Variants in RRN3 observed in about 807,000 individuals in gnomAD.
RRN3 encodes RNA polymerase I transcription factor RRN3.
RRN3 carries 38 observed loss-of-function variants against 82.3 expected under a neutral mutation model. The observed-to-expected ratio is 0.46, with a 90% confidence interval of 0.36 to 0.61. The LOEUF is 0.61. Ranked by LOEUF, RRN3 falls within the 20% of genes least tolerant of loss-of-function variation. The pLI, the probability that RRN3 is intolerant of heterozygous loss-of-function variation, is 0.00. For synonymous variants in RRN3, 284 were observed against 284.3 expected, an observed-to-expected ratio of 1.00 and a Z score of 0.01; for missense variants, 726 against 793.1, an observed-to-expected ratio of 0.92 and a Z score of 1.02.
In RRN3 at chr16:15,079,830, C is replaced by T. The variant is rs1399123622; in HGVS notation, c.765+168G>A. Among the ~76,000 whole-genome samples the T allele has an allele frequency of 2.0e-5, 3 of 152,166 alleles. No individual in the cohort carries two copies. In the East Asian group the frequency reaches 5.8e-4, roughly 29 times the overall value. ...CAGGCTGGTCTCGAACTCCTGACCTCAGGTGATCTGCCTGCCTCGGCCTCC... is the reference window on the plus strand; with the variant it reads ...CAGGCTGGTCTCGAACTCCTGACCTTAGGTGATCTGCCTGCCTCGGCCTCC... On this transcript the variant is annotated intron_variant, in intron 9 of 17. Transcript: ENST00000198767.
At position 15,073,008 on chromosome 16, in the gene RRN3, G is replaced by A. The variant is rs2151781614; in HGVS notation, c.1070C>T (p.Pro357Leu). ...LINIFDKLLL[P>L]THASCHVQFF... The stretch of plus-strand genomic sequence containing the variant: ...CTGTACATGGCAGGAGGCATGGGTG[G>A]GCAACAGGAGTTTGTCAAAGATGTT... The change falls in exon 12 of 18, where the codon CCC becomes CTC. Residue 357 changes from proline (P) to leucine (L), a missense_variant. By Grantham distance (98) the Pro-to-Leu change is moderately conservative. Around this residue, in one of 4 missense-constraint regions of RRN3, gnomAD observed 344 missense variants for 394.5 expected, o/e 0.87. Coordinates refer to ENST00000198767, the MANE Select transcript of RRN3 (RefSeq NM_018427.5). 1.2e-6 allele frequency: 2 copies of A among 1,613,362 alleles called. No homozygotes were observed. The highest frequency in any genetic ancestry group is 1.7e-6 in the Non-Finnish European group (2 of 1,179,814).
At chr16:15,093,662 C>T (rs963080242) in intron 1 of RRN3, among the ~76,000 whole-genome samples, 1 of 152,166 alleles carries the variant, frequency 6.6e-6, no homozygotes, top group African/African-American at 2.4e-5. Context: ...GAAAGTTAAA[C>T]GCCAAGAGTG....
At position 15,070,117 on chromosome 16, in the gene RRN3, G is replaced by C; in HGVS notation, c.1397C>G (p.Thr466Ser). The part of the protein sequence containing the change: ...FYSACQAVFY[T>S]FVFRHKQLLS... ...AAGCTGCTTGTGTCTAAAAACAAAG[G>C]TGTAGAACACAGCTTGGCAGGCTGA... is the stretch of plus-strand genomic sequence containing the variant. Residue 466 changes from threonine to serine, a missense_variant, in exon 14 of 18, where the codon ACC (threonine) becomes AGC (serine). By Grantham distance (58) the Thr-to-Ser change is moderately conservative. Transcript: ENST00000198767. 1.2e-6 allele frequency: 2 copies of C among 1,602,852 alleles called. No homozygotes were observed. Among genetic ancestry groups the C allele is most frequent in the Non-Finnish European group, 1.7e-6 (2 of 1,173,784 alleles).
At chr16:15,085,577 C>A in intron 6 of RRN3, 62 bp downstream of exon 6, 2 of 1,588,558 alleles carry the variant, frequency 1.3e-6, no homozygotes, top group South Asian at 1.1e-5. Flanking sequence ...CTTGGCTTCC[C>A]AAAGTGCTGG....
Position 15,061,484 on chromosome 16 carries a change from A to G in RRN3, c.*260T>C, listed in dbSNP as rs374651874. On this transcript the variant is annotated 3_prime_UTR_variant, in exon 18 of 18. Coordinates refer to ENST00000198767, the MANE Select transcript of RRN3 (RefSeq NM_018427.5). The stretch of plus-strand genomic sequence containing the variant: ...CAAAAAATGTACATATTAAACAAGC[A>G]AATCCTTCCAAATGTATCATCAACC... 68 of 393,656 alleles carry G rather than the reference A, an allele frequency of 1.7e-4. No homozygotes were observed. Among genetic ancestry groups the G allele is most frequent in the East Asian group, 1.7e-3 (46 of 27,416 alleles). The allele number at this position is 393,656 out of a possible 1,614,324, so 24.4% of individuals were successfully genotyped here.
At chr16:15,093,370 A>C (rs998826995) in intron 1 of RRN3, among the ~76,000 whole-genome samples, 1 of 152,132 alleles carries the variant, frequency 6.6e-6, no homozygotes. Flanking sequence ...AAATCTCAAA[A>C]GCTCCTTCTC....
chr16:15,081,781 C>T (rs2045714032), intron 8 of RRN3, among the ~76,000 whole-genome samples: 1 of 152,184 alleles, frequency 6.6e-6, no homozygotes. Flanking sequence ...TCGTTTTCTT[C>T]TCAGAGTTTT....
chr16:15,092,573 G>A lies in RRN3; in HGVS notation c.131C>T (p.Ser44Phe). The change falls in exon 2 of 18, where the codon TCT (serine) becomes TTT (phenylalanine). Residue 44 changes from serine (S) to phenylalanine (F), a missense_variant. Ser to Phe is a radical substitution (Grantham distance 155). Coordinates refer to ENST00000198767, the MANE Select transcript of RRN3 (RefSeq NM_018427.5). ...AAACCGAACAGTTTTTCTTGGGGGAGAATTGAAAAAGTCATTCTCTAATGC... is the reference window on the plus strand; with the variant it reads ...AAACCGAACAGTTTTTCTTGGGGGAAAATTGAAAAAGTCATTCTCTAATGC... ...MRALENDFFN[S>F]PPRKTVRFGG... 2 of 1,613,454 alleles carry A rather than the reference G, an allele frequency of 1.2e-6. No homozygotes were observed. Among genetic ancestry groups the A allele is most frequent in the Non-Finnish European group, 1.7e-6 (2 of 1,179,456 alleles).
chr16:15,085,995 A>C, intron 5 of RRN3, 134 bp downstream of exon 5: 1 of 657,112 alleles, frequency 1.5e-6, no homozygotes, highest in South Asian at 2.0e-5. Context: ...ATTACGGGGA[A>C]TATATGTCTA....
At chr16:15,085,584 C>A in intron 6 of RRN3, 55 bp downstream of exon 6, 1 of 1,593,028 alleles carries the variant, frequency 6.3e-7, no homozygotes, top group Non-Finnish European at 8.6e-7. Flanking sequence ...TCCCAAAGTG[C>A]TGGGATTATG....
At chr16:15,077,335 G>C (rs182678399) in intron 9 of RRN3, among the ~76,000 whole-genome samples, 1 of 152,076 alleles carries the variant, frequency 6.6e-6, no homozygotes, top group Admixed American at 6.6e-5. Flanking sequence ...GCTGGGGGGG[G>C]ACTGGTGGGA....
chr16:15,074,593 A>C (rs1031149357), intron 11 of RRN3, 130 bp downstream of exon 11: 1 of 632,632 alleles, frequency 1.6e-6, no homozygotes. Context: ...TCTTTAAATC[A>C]TCTTAAACTC....
intron 10 of RRN3, among the ~76,000 whole-genome samples, 160 bp from the exon 11 acceptor site, chr16:15,075,021 G>C (rs567263801): frequency 2.0e-5 from 3 of 152,072 alleles, no homozygotes; most frequent in Non-Finnish European, 2.9e-5. Context: ...AAGCAGAGGT[G>C]GGGGGATCAC....
intron 10 of RRN3, among the ~76,000 whole-genome samples, chr16:15,075,947 C>A (rs780046679): frequency 9.2e-5 from 14 of 152,174 alleles, no homozygotes; most frequent in Admixed American, 7.9e-4. Flanking sequence ...CAGCCCCTCC[C>A]CCTTAGAACC....
chr16:15,065,044 T>C (rs1019787597), intron 16 of RRN3, among the ~76,000 whole-genome samples, 175 bp downstream of exon 16: 2 of 151,890 alleles, frequency 1.3e-5, no homozygotes, highest in Non-Finnish European at 1.5e-5. Flanking sequence ...TGGGTGCCTG[T>C]AGTCCCAGCT....
chr16:15,070,205 G>C lies in RRN3; in HGVS notation c.1309C>G (p.Leu437Val), dbSNP rs763488968. Reference protein sequence around the residue: ...DLLVNWLHIYLNNQDSGTKAF... With the variant: ...DLLVNWLHIYVNNQDSGTKAF... ...TTTGTTCCCGAATCCTGGTTATTAA[G>C]GTATATGTGCAGCCAGTTAACCAAA... The change falls in exon 14 of 18, where the codon CTT becomes GTT. Residue 437 changes from leucine to valine, a missense_variant. Coordinates refer to ENST00000198767, the MANE Select transcript of RRN3 (RefSeq NM_018427.5). 6.2e-7 allele frequency: 1 copy of C among 1,606,668 alleles called. No homozygotes were observed. The highest frequency in any genetic ancestry group is 1.1e-5 in the South Asian group (1 of 89,676).
intron 3 of RRN3, among the ~76,000 whole-genome samples, chr16:15,089,808 A>G (rs1239934954): frequency 2.1e-5 from 3 of 145,022 alleles, no homozygotes; most frequent in Non-Finnish European, 4.6e-5. Context: ...AAAAAAAAAA[A>G]AAACAGATTA....
At chr16:15,091,213 G>A (rs1275984000) in intron 3 of RRN3, 102 bp downstream of exon 3, 2 of 1,444,158 alleles carry the variant, frequency 1.4e-6, no homozygotes, top group Non-Finnish European at 1.9e-6. Flanking sequence ...GGAGGACCAT[G>A]GAGAGAGCAA....
At chr16:15,087,944 G>C (rs183877859) in intron 3 of RRN3, among the ~76,000 whole-genome samples, 2 of 152,030 alleles carry the variant, frequency 1.3e-5, no homozygotes, top group African/African-American at 4.8e-5. Flanking sequence ...GAGAAACCCC[G>C]TCTCTACTAA....
Sources: gnomAD v4.1 joint callset for allele counts (sites outside exome capture counted in the v4.1 genomes callset) on GRCh38, gnomAD v4.1.1 for gene constraint, gnomAD v4.1.1 regional missense constraint, MANE v1.5 for transcripts, NCBI Gene and HGNC (gene_info 2026-07-23, HGNC 2026-07-21) for gene names.